PODXL2: variants seen among roughly 807,000 people sequenced by gnomAD.
The protein encoded by PODXL2 is podocalyxin like 2, also known as podocalyxin-like protein 2.
A neutral mutation model predicts 53.4 loss-of-function variants in PODXL2; 17 were observed. The observed-to-expected ratio is 0.32, with a 90% CI of 0.22 to 0.48. PODXL2 has a LOEUF of 0.48. PODXL2 is among the 20% of genes least tolerant of loss of function. PODXL2 has a pLI of 0.99. For synonymous variants in PODXL2, 311 were observed against 306.7 expected, an observed-to-expected ratio of 1.01 and a Z score of -0.15; for missense variants, 673 against 760.0, an observed-to-expected ratio of 0.89 and a Z score of 1.35.
intron 1 of PODXL2, among the ~76,000 whole-genome samples, chr3:127,630,241 GCA>G (rs2074535130): frequency 6.6e-6 from 1 of 152,184 alleles, no homozygotes; most frequent in African/African-American, 2.4e-5. Flanking sequence ...AGCAGCTCCT[GCA>G]CACACTGGCA....
intron 2 of PODXL2, 55 bp from the exon 3 acceptor site, chr3:127,660,323 G>T: frequency 1.3e-6 from 2 of 1,580,352 alleles, no homozygotes; most frequent in South Asian, 2.3e-5. Context: ...AGTAAATACT[G>T]AGTAAAGCAA....
chr3:127,670,859 A>G (rs2074827552), intron 6 of PODXL2, among the ~76,000 whole-genome samples: 1 of 152,300 alleles, frequency 6.6e-6, no homozygotes, highest in African/African-American at 2.4e-5. Flanking sequence ...GCGTGGAGGG[A>G]TGCAGGCAGC....
At chr3:127,644,586 C>T (rs528772479) in intron 2 of PODXL2, among the ~76,000 whole-genome samples, 48 of 152,288 alleles carry the variant, frequency 3.2e-4, no homozygotes, top group Middle Eastern at 3.4e-3. Flanking sequence ...TTGTTGTCCT[C>T]CCCCCTCCCC....
chr3:127,639,629 A>T, intron 2 of PODXL2, 106 bp downstream of exon 2: 1 of 1,063,712 alleles, frequency 9.4e-7, no homozygotes, highest in South Asian at 1.6e-5. Context: ...CTCTCCCTAC[A>T]GTTTTTACCA....
chr3:127,659,741 T>C (rs2074750697), intron 2 of PODXL2, among the ~76,000 whole-genome samples: 1 of 152,228 alleles, frequency 6.6e-6, no homozygotes, highest in South Asian at 2.1e-4. Flanking sequence ...CCCTCTCCCA[T>C]TGCCAACAGT....
intron 1 of PODXL2, among the ~76,000 whole-genome samples, chr3:127,636,352 G>A (rs1197979950): frequency 1.3e-5 from 2 of 152,160 alleles, no homozygotes; most frequent in Admixed American, 1.3e-4. Context: ...GTAGCTTAGG[G>A]TCCCCCCGTG....
chr3:127,656,397 C>T (rs965505131), intron 2 of PODXL2, among the ~76,000 whole-genome samples: 2 of 152,146 alleles, frequency 1.3e-5, no homozygotes, highest in Admixed American at 6.5e-5. Context: ...CAAGACCAGC[C>T]TGGGCAACAC....
intron 2 of PODXL2, among the ~76,000 whole-genome samples, chr3:127,645,513 G>A (rs1255897173): frequency 6.6e-6 from 1 of 152,168 alleles, no homozygotes; most frequent in Non-Finnish European, 1.5e-5. Context: ...TGCCCTGTCC[G>A]GGGCTCCTGA....
At position 127,671,534 on chromosome 3, in the gene PODXL2, G is replaced by A. The variant is rs1241819014; in HGVS notation, c.1526G>A (p.Gly509Glu). ...GTLFVVLVVIGAICIIIIALG... is the reference protein window; with the variant it reads ...GTLFVVLVVIEAICIIIIALG... ...CTCTTCGTGGTGCTGGTGGTCATTG[G>A]GGCCATCTGCATCATCATCATTGCG... The change falls in exon 7 of 8, where the codon GGG (glycine) becomes GAG (glutamate). Residue 509 changes from glycine (G) to glutamate (E), a missense_variant. Coordinates refer to ENST00000342480, the MANE Select transcript of PODXL2 (RefSeq NM_015720.4). The A allele has an allele frequency of 6.2e-7, 1 of 1,614,028 alleles. No individual in the cohort carries two copies.
At chr3:127,640,413 A>C (rs1042789040) in intron 2 of PODXL2, among the ~76,000 whole-genome samples, 6 of 152,220 alleles carry the variant, frequency 3.9e-5, no homozygotes, top group African/African-American at 1.4e-4. Context: ...ACAAAGAAGA[A>C]AATAAGGCTG....
At chr3:127,634,133 A>G (rs1047649497) in intron 1 of PODXL2, among the ~76,000 whole-genome samples, 1 of 152,088 alleles carries the variant, frequency 6.6e-6, no homozygotes, top group Non-Finnish European at 1.5e-5. Context: ...TTGCATTTTA[A>G]AAAGACCTCT....
Position 127,660,929 on chromosome 3 carries a change from G to A in PODXL2, c.901G>A (p.Glu301Lys), listed in dbSNP as rs772993722. The stretch of plus-strand genomic sequence containing the variant: ...AGCAGCTGGTTTGTCTGGCCAGCAC[G>A]AGGAGGTGCCGGCCTTGCCTTCATT... ...AGAAGLSGQH[E>K]EVPALPSFPQ... Residue 301 changes from glutamate to lysine, a missense_variant, in exon 3 of 8, where the codon GAG (glutamate) becomes AAG (lysine). Physicochemically the swap from Glu to Lys is moderately conservative, Grantham distance 56. Around this residue, in one of 3 missense-constraint regions of PODXL2, gnomAD observed 588 missense variants for 668.3 expected, o/e 0.88. Transcript: ENST00000342480. 12 of 1,614,210 alleles carry A rather than the reference G, an allele frequency of 7.4e-6. No homozygotes were observed. The highest frequency in any genetic ancestry group is 2.2e-5 in the South Asian group (2 of 91,092).
chr3:127,654,889 A>G (rs920503877), intron 2 of PODXL2, among the ~76,000 whole-genome samples: 1 of 152,118 alleles, frequency 6.6e-6, no homozygotes, highest in South Asian at 2.1e-4. Flanking sequence ...GGAGTTTGAG[A>G]CCAGCCTTGC....
At chr3:127,641,969 T>C (rs142165055) in intron 2 of PODXL2, among the ~76,000 whole-genome samples, 76 of 151,552 alleles carry the variant, frequency 5.0e-4, no homozygotes, top group Middle Eastern at 6.8e-3. Flanking sequence ...TTCCTTAGGA[T>C]AAATTTCTAG....
At chr3:127,667,455 G>A (rs943623944) in intron 4 of PODXL2, among the ~76,000 whole-genome samples, 4 of 152,264 alleles carry the variant, frequency 2.6e-5, no homozygotes, top group Admixed American at 1.3e-4. Context: ...AGCAGGGAAT[G>A]TGTGACTGTG....
intron 4 of PODXL2, 36 bp from the exon 5 acceptor site, chr3:127,668,405 T>G (rs985419916): frequency 6.8e-7 from 1 of 1,478,618 alleles, no homozygotes; most frequent in South Asian, 1.5e-5. Context: ...GCCCCTTTCC[T>G]TCACTGAACA....
At position 127,639,453 on chromosome 3, in the gene PODXL2, G is replaced by A. The variant is rs1279516335; in HGVS notation, c.279G>A (p.Gln93=). 1 of 1,614,296 alleles carries A rather than the reference G, an allele frequency of 6.2e-7. No homozygotes were observed. Among genetic ancestry groups the A allele is most frequent in the Non-Finnish European group, 8.5e-7 (1 of 1,180,050 alleles). ...SEENEESRIL[Q]PPQYFWEEEE... is the part of the protein sequence containing the mutation. ...AGAATGAAGAGTCTCGGATTCTGCA[G>A]CCACCACAGTACTTCTGGGAAGAGG... The change falls in exon 2 of 8, where the codon CAG becomes CAA. Residue 93 remains glutamine, a synonymous_variant. Transcript: ENST00000342480.
intron 2 of PODXL2, among the ~76,000 whole-genome samples, chr3:127,652,095 G>A (rs891491872): frequency 4.6e-5 from 7 of 152,204 alleles, no homozygotes; most frequent in Non-Finnish European, 1.0e-4. Context: ...AAATGACCAG[G>A]ATGTGTCAAA....
intron 1 of PODXL2, among the ~76,000 whole-genome samples, chr3:127,638,340 A>C (rs1445369025): frequency 6.6e-6 from 1 of 152,208 alleles, no homozygotes; most frequent in Non-Finnish European, 1.5e-5. Flanking sequence ...AGAGAGAGAG[A>C]ATCCAAGATT....
Sources: gnomAD v4.1 joint callset for allele counts (sites outside exome capture counted in the v4.1 genomes callset) on GRCh38, gnomAD v4.1.1 for gene constraint, gnomAD v4.1.1 regional missense constraint, MANE v1.5 for transcripts, NCBI Gene and HGNC (gene_info 2026-07-23, HGNC 2026-07-21) for gene names.